BAIAP2: variants seen among roughly 807,000 people sequenced by gnomAD.
The protein encoded by BAIAP2 is BAR/IMD domain-containing adapter protein 2.
Under a neutral mutation model 63.0 loss-of-function variants are expected in BAIAP2, and 18 were observed. That is an observed-to-expected ratio of 0.29 (90% CI 0.20 to 0.42). The LOEUF (loss-of-function observed/expected upper bound fraction) is 0.42. Among genes scored for constraint, BAIAP2 ranks in the 10% least tolerant of loss-of-function variants. The pLI is 1.00. For missense variants in BAIAP2, 610 were observed against 734.3 expected, an observed-to-expected ratio of 0.83 and a Z score of 1.96; for synonymous variants, 386 against 307.6, an observed-to-expected ratio of 1.25 and a Z score of -2.67.
At chr17:81,098,084 G>C in intron 6 of BAIAP2, 1 of 1,328,092 alleles carries the variant, frequency 7.5e-7, no homozygotes, top group Non-Finnish European at 9.7e-7. Context: ...AGGCCAGCTG[G>C]GGTCATGGAG....
intron 10 of BAIAP2, 76 bp downstream of exon 10, chr17:81,104,791 A>G (rs2058922918): frequency 7.1e-7 from 1 of 1,417,512 alleles, no homozygotes; most frequent in Non-Finnish European, 9.6e-7. Context: ...ACTCAAGTGC[A>G]CTGAGACCTT....
intron 3 of BAIAP2, among the ~76,000 whole-genome samples, chr17:81,075,416 A>G (rs1000342156): frequency 2.0e-5 from 3 of 152,164 alleles, no homozygotes; most frequent in Non-Finnish European, 4.4e-5. Flanking sequence ...GTGTGAAGCG[A>G]TCGGAAGGAG....
chr17:81,052,635 G>A (rs962517152), intron 1 of BAIAP2, among the ~76,000 whole-genome samples: 1 of 152,258 alleles, frequency 6.6e-6, no homozygotes, highest in Non-Finnish European at 1.5e-5. Flanking sequence ...TCTGGAGGCA[G>A]GTCCCGTGGT....
chr17:81,056,839 G>A (rs1431470108), intron 2 of BAIAP2, among the ~76,000 whole-genome samples: 1 of 151,886 alleles, frequency 6.6e-6, no homozygotes, highest in African/African-American at 2.4e-5. Context: ...CTGCTGTTGC[G>A]TTTTTCTGCT....
At chr17:81,109,263 T>TG in intron 13 of BAIAP2, 1 of 1,327,634 alleles carries the variant, frequency 7.5e-7, no homozygotes, top group Non-Finnish European at 9.6e-7. Context: ...CAGGACCTGC[T>TG]GGGCCGTGCG....
intron 13 of BAIAP2, chr17:81,109,855 T>C (rs1568194537): frequency 1.0e-6 from 1 of 985,192 alleles, no homozygotes; most frequent in Non-Finnish European, 1.2e-6. Flanking sequence ...GCATCGATGC[T>C]GCCCCGGGCT....
chr17:81,067,479 C>A (rs930199096), intron 3 of BAIAP2, among the ~76,000 whole-genome samples: 1 of 152,242 alleles, frequency 6.6e-6, no homozygotes, highest in Non-Finnish European at 1.5e-5. Flanking sequence ...AACAGCTTTG[C>A]GGTGCAGGCT....
chr17:81,047,728 T>G (rs1362654731), intron 1 of BAIAP2, among the ~76,000 whole-genome samples: 2 of 150,902 alleles, frequency 1.3e-5, no homozygotes, highest in Non-Finnish European at 2.9e-5. Flanking sequence ...AGCACATGTG[T>G]GAGTGTGCAT....
At chr17:81,097,886 C>T (rs2145733414) in intron 6 of BAIAP2, among the ~76,000 whole-genome samples, 1 of 152,340 alleles carries the variant, frequency 6.6e-6, no homozygotes, top group South Asian at 2.1e-4. Flanking sequence ...CCCACAGCCT[C>T]ATCAGCGTTT....
Position 81,116,270 on chromosome 17 carries a change from G to T in BAIAP2, c.*431G>T, listed in dbSNP as rs780691783. On this transcript the variant is annotated 3_prime_UTR_variant, in exon 14 of 14. Coordinates refer to ENST00000428708, the MANE Select transcript of BAIAP2 (RefSeq NM_001144888.2). ...CCAAGGGCCAGAAGGCCGGGAGCACGGGGATGGGAGCGCCCGCACCCTGGC... is the reference window on the plus strand; with the variant it reads ...CCAAGGGCCAGAAGGCCGGGAGCACTGGGATGGGAGCGCCCGCACCCTGGC... 42 of 1,612,780 alleles carry T rather than the reference G, an allele frequency of 2.6e-5. No individual in the cohort carries two copies. The highest frequency in any genetic ancestry group is 3.2e-5 in the Non-Finnish European group (38 of 1,179,970).
In BAIAP2 at chr17:81,085,641, T is replaced by C. The variant is rs546772985; in HGVS notation, c.280-13T>C. 23 of 1,612,478 alleles carry C rather than the reference T, an allele frequency of 1.4e-5. No individual in the cohort carries two copies. The highest frequency in any genetic ancestry group is 4.5e-5 in the East Asian group (2 of 44,886). On this transcript the variant is annotated splice_polypyrimidine_tract_variant and intron_variant, in intron 4 of 13. Transcript: ENST00000428708. Reference sequence around the variant, plus strand: ...TGGAGCTGACGGCTGATGTGTTTTCTCTCCATGTCCAGCTGAAGTCTTTTC... The same window carrying C: ...TGGAGCTGACGGCTGATGTGTTTTCCCTCCATGTCCAGCTGAAGTCTTTTC...
chr17:81,036,385 G>A (rs1183109792), intron 1 of BAIAP2, among the ~76,000 whole-genome samples: 2 of 152,082 alleles, frequency 1.3e-5, no homozygotes, highest in East Asian at 1.9e-4. Context: ...TTTCCTAACC[G>A]GCTTGCACCC....
chr17:81,108,852 G>C, intron 13 of BAIAP2: 1 of 1,433,566 alleles, frequency 7.0e-7, no homozygotes, highest in Admixed American at 2.4e-5. Context: ...CTTCCTGGAG[G>C]GTCAGGAGGC....
chr17:81,054,665 C>A (rs988636812), intron 2 of BAIAP2, among the ~76,000 whole-genome samples: 42 of 152,260 alleles, frequency 2.8e-4, no homozygotes, highest in Admixed American at 2.7e-3. Flanking sequence ...GAGCGAACGC[C>A]CTGCAGCTCC....
At chr17:81,077,669 C>T (rs540474083) in intron 3 of BAIAP2, among the ~76,000 whole-genome samples, 7 of 152,354 alleles carry the variant, frequency 4.6e-5, no homozygotes, top group African/African-American at 1.7e-4. Flanking sequence ...GCTTCCCGCC[C>T]GTCCTGAGGC....
At position 81,066,585 on chromosome 17, in the gene BAIAP2, G is replaced by T. The variant is rs377053781; in HGVS notation, c.217+8618G>T. Among the ~76,000 whole-genome samples the T allele has an allele frequency of 1.4e-3, 213 of 152,310 alleles. 4 individuals are homozygous for T. In the South Asian group the frequency reaches 0.04, roughly 29 times the overall value. ...TTAGAGGCACTGAGTGGCTCCCTCC[G>T]TGTGTGCGGCATCTCTGCGTCTCTG... On this transcript the variant is annotated intron_variant, in intron 3 of 13. Transcript: ENST00000428708.
chr17:81,086,729 G>T, intron 6 of BAIAP2, 149 bp downstream of exon 6: 2 of 922,476 alleles, frequency 2.2e-6, no homozygotes, highest in South Asian at 1.7e-5. Flanking sequence ...CCTCGGGAGC[G>T]GTGGGCCTGA....
intron 1 of BAIAP2, among the ~76,000 whole-genome samples, chr17:81,037,564 C>A (rs1009930466): frequency 1.3e-5 from 2 of 152,342 alleles, no homozygotes; most frequent in Admixed American, 1.3e-4. Flanking sequence ...CTGAGGCCAC[C>A]GGTGTGCACT....
intron 3 of BAIAP2, among the ~76,000 whole-genome samples, chr17:81,068,067 G>T (rs1369999236): frequency 1.3e-5 from 2 of 152,252 alleles, no homozygotes; most frequent in Non-Finnish European, 2.9e-5. Flanking sequence ...GCATCTCTGG[G>T]GTCCTGGGGG....
Sources: allele counts gnomAD v4.1 joint callset (sites outside exome capture counted in the v4.1 genomes callset), GRCh38; gene constraint gnomAD v4.1.1; transcripts MANE v1.5; gene names NCBI Gene and HGNC (gene_info 2026-07-23, HGNC 2026-07-21).